PREX2: variants seen among roughly 807,000 people sequenced by gnomAD.
The protein encoded by PREX2 is phosphatidylinositol 3,4,5-trisphosphate-dependent Rac exchanger 2 protein.
PREX2 carries 107 observed loss-of-function variants against 203.2 expected under a neutral mutation model. The ratio of observed to expected loss-of-function variants is 0.53; its 90% CI spans 0.45 to 0.62. The LOEUF (loss-of-function observed/expected upper bound fraction) is 0.62, where lower values mean the gene tolerates loss of function less well. PREX2 is among the 20% of genes least tolerant of loss of function. PREX2 has a pLI of 0.00. For missense variants in PREX2, 1,777 were observed against 1,955.9 expected (o/e 0.91, Z 1.72); for synonymous variants, 672 against 663.6 (o/e 1.01, Z -0.19).
intron 1 of PREX2, among the ~76,000 whole-genome samples, chr8:67,996,554 T>C (rs1806772058): frequency 6.6e-6 from 1 of 152,160 alleles, no homozygotes; most frequent in African/African-American, 2.4e-5. Context: ...TTGTCAGGTG[T>C]ATGTATTGTA....
intron 1 of PREX2, among the ~76,000 whole-genome samples, chr8:68,003,188 G>GT (rs947280151): frequency 1.5e-3 from 227 of 151,678 alleles, no homozygotes; most frequent in African/African-American, 5.2e-3. Flanking sequence ...TAGTTTCTTT[G>GT]TTTTTTTTAA....
rs113908745 is a variant in PREX2, at chr8:68,159,961, GA to G, written c.4346+2533del. Among the ~76,000 whole-genome samples, 1,157 of 151,294 alleles carry G rather than the reference GA, an allele frequency of 7.6e-3. 9 individuals carry two copies. Among genetic ancestry groups the G allele is most frequent in the African/African-American group, 0.027 (1,105 of 41,294 alleles). On this transcript the variant is annotated intron_variant, in intron 35 of 39. Transcript: ENST00000288368. ...CTATAAGCTGTAAATGGCTCACAAA[GA>G]AAAAAAATAGTTTTCTTGACTCTAG...
At chr8:67,970,102 A>C (rs1415634860) in intron 1 of PREX2, among the ~76,000 whole-genome samples, 1 of 152,182 alleles carries the variant, frequency 6.6e-6, no homozygotes, top group Non-Finnish European at 1.5e-5. Flanking sequence ...GAAATCAGCT[A>C]TCTCCATTTT....
At chr8:67,983,975 A>G (rs866138476) in intron 1 of PREX2, among the ~76,000 whole-genome samples, 2 of 152,124 alleles carry the variant, frequency 1.3e-5, no homozygotes, top group Non-Finnish European at 2.9e-5. Context: ...GTGCACATCA[A>G]TCTAATGCCG....
Position 68,055,932 on chromosome 8 carries a change from G to A in PREX2, c.1196G>A (p.Arg399Gln), listed in dbSNP as rs1054156818. 18 of 1,613,214 alleles carry A rather than the reference G, an allele frequency of 1.1e-5. No individual in the cohort carries two copies. The highest frequency in any genetic ancestry group is 1.4e-5 in the Non-Finnish European group (17 of 1,179,684). The change falls in exon 10 of 40, where the codon CGA becomes CAA. Residue 399 changes from arginine to glutamine, a missense_variant. Physicochemically the swap from Arg to Gln is conservative, Grantham distance 43. Transcript: ENST00000288368. ...MCRQGNLIKD[R>Q]KRKLTTFPKC... ...AGACAAGGAAATCTGATCAAAGACC[G>A]AAAGAGAAAACTGACTACGTTCCCT...
At chr8:68,070,815 T>C (rs911872377) in intron 13 of PREX2, among the ~76,000 whole-genome samples, 9 of 152,136 alleles carry the variant, frequency 5.9e-5, no homozygotes, top group African/African-American at 2.2e-4. Context: ...TGCCCACTTA[T>C]ACTGCAAAGA....
intron 37 of PREX2, among the ~76,000 whole-genome samples, chr8:68,208,460 A>G (rs1009400134): frequency 3.3e-5 from 5 of 152,182 alleles, no homozygotes; most frequent in Non-Finnish European, 5.9e-5. Context: ...AAAAAAAATC[A>G]TGGTACAGAA....
intron 34 of PREX2, among the ~76,000 whole-genome samples, chr8:68,153,166 A>G (rs979249287): frequency 6.6e-6 from 1 of 152,260 alleles, no homozygotes; most frequent in African/African-American, 2.4e-5. Flanking sequence ...CTGAGGAATT[A>G]TGACCCATGG....
intron 17 of PREX2, chr8:68,082,953 C>A: frequency 7.9e-6 from 2 of 253,258 alleles, no homozygotes; most frequent in Non-Finnish European, 1.5e-5. Flanking sequence ...ATGAAATAAG[C>A]TAAAGAACAG....
intron 11 of PREX2, among the ~76,000 whole-genome samples, chr8:68,061,868 G>A (rs17445951): frequency 0.17 from 25,209 of 152,074 alleles, 2,106 homozygotes; most frequent in Non-Finnish European, 0.19. Context: ...ACAATGAACA[G>A]ACAGACAAAA....
At position 67,986,764 on chromosome 8, in the gene PREX2, T is replaced by A. The variant is rs574353872; in HGVS notation, c.142-31082T>A. Among the ~76,000 whole-genome samples the A allele has an allele frequency of 2.2e-4, 34 of 152,222 alleles. No individual in the cohort carries two copies. In the South Asian group the frequency reaches 7.1e-3, roughly 32 times the overall value. On this transcript the variant is annotated intron_variant, in intron 1 of 39. Transcript: ENST00000288368. ...AGAGAGTAACAGTAAGGCCAAGAGC[T>A]TCAAGTGATCTCTAGGACTCTTTTT...
At chr8:68,225,166 A>C (rs1035779116) in intron 39 of PREX2, among the ~76,000 whole-genome samples, 1 of 152,182 alleles carries the variant, frequency 6.6e-6, no homozygotes, top group Non-Finnish European at 1.5e-5. Context: ...CCTGAATATG[A>C]GTTTTCTGGA....
chr8:67,978,297 A>G (rs887261288), intron 1 of PREX2, among the ~76,000 whole-genome samples: 6 of 151,970 alleles, frequency 3.9e-5, no homozygotes, highest in Non-Finnish European at 5.9e-5. Flanking sequence ...ATATCCTTAC[A>G]CCTGTGTAAC....
intron 5 of PREX2, among the ~76,000 whole-genome samples, chr8:68,029,412 A>C (rs1403609135): frequency 6.6e-6 from 1 of 152,070 alleles, no homozygotes; most frequent in South Asian, 2.1e-4. Flanking sequence ...TCACTTATGG[A>C]TTTGTGATCC....
intron 13 of PREX2, 60 bp from the exon 14 acceptor site, chr8:68,072,435 A>T: frequency 1.1e-6 from 1 of 875,974 alleles, no homozygotes; most frequent in Non-Finnish European, 1.9e-6. Context: ...TCTTGTGCTT[A>T]CCTACCCTCT....
At chr8:67,975,315 G>A (rs1290846621) in intron 1 of PREX2, among the ~76,000 whole-genome samples, 1 of 126,948 alleles carries the variant, frequency 7.9e-6, no homozygotes. Context: ...GTGTCTGTGT[G>A]TGTGTGTCCT....
At chr8:68,015,536 AT>A (rs1358834005) in intron 1 of PREX2, among the ~76,000 whole-genome samples, 4 of 152,196 alleles carry the variant, frequency 2.6e-5, no homozygotes, top group Non-Finnish European at 4.4e-5. Flanking sequence ...CCTCACTTTA[AT>A]TTATCCATTT....
rs959529352 is a variant in PREX2 at position 68,234,888 on chromosome 8, T to A, written c.*3510T>A. ...GAGTCTATTAATTTAAATTTTGGGA[T>A]CATTACATTCAGAATGAAATGAAAT... On this transcript the variant is annotated 3_prime_UTR_variant, in exon 40 of 40. Coordinates refer to ENST00000288368, the MANE Select transcript of PREX2 (RefSeq NM_024870.4). The A allele has an allele frequency of 6.6e-6, 1 of 152,118 alleles. No homozygotes were observed. The highest frequency in any genetic ancestry group is 1.5e-5 in the Non-Finnish European group (1 of 68,018). 9.4% of individuals were successfully genotyped at this position (152,118 alleles called of 1,614,324 possible).
At chr8:68,156,055 T>C (rs559988835) in intron 34 of PREX2, among the ~76,000 whole-genome samples, 2 of 151,852 alleles carry the variant, frequency 1.3e-5, no homozygotes, top group Non-Finnish European at 2.9e-5. Flanking sequence ...TGACATGTTT[T>C]TGTTGTTGTT....
Sources: gnomAD v4.1 joint callset for allele counts (sites outside exome capture counted in the v4.1 genomes callset) on GRCh38, gnomAD v4.1.1 for gene constraint, MANE v1.5 for transcripts, NCBI Gene and HGNC (gene_info 2026-07-23, HGNC 2026-07-21) for gene names.